The following GNAS-AS1 variants were observed in gnomAD, a reference collection of about 807,000 sequenced individuals.
GNAS-AS1 encodes GNAS antisense RNA 1, also known as GNAS antisense RNA 1 (non-protein coding).
chr20:58,841,707 G>A lies in GNAS-AS1; in HGVS notation n.819+230C>T. On this transcript the variant is annotated intron_variant and non_coding_transcript_variant, in intron 4 of 4. Coordinates refer to ENST00000424094, the Ensembl canonical transcript of GNAS-AS1. This position sits in a 1 kb window ranked among gnomAD's most constrained non-coding sequence, Gnocchi z 5.0. ...AGGAGGTAAGGGGACCCTTGGGGATGCCCCTACGGGCTACCAGGGTTGAAC... is the reference window on the plus strand; with the variant it reads ...AGGAGGTAAGGGGACCCTTGGGGATACCCCTACGGGCTACCAGGGTTGAAC... 8.2e-7 allele frequency: 1 copy of A among 1,213,860 alleles called. No individual in the cohort carries two copies. Among genetic ancestry groups the A allele is most frequent in the Non-Finnish European group, 1.0e-6 (1 of 976,700 alleles). The allele number at this position is 1,213,860 out of a possible 1,614,324, so 75.2% of individuals were successfully genotyped here. A position where few individuals can be genotyped will look rare whatever the true frequency, so the allele number is the denominator to read the frequency against.
Position 58,840,588 on chromosome 20 carries a change from A to T in GNAS-AS1, n.819+1349T>A. 6.2e-7 allele frequency: 1 copy of T among 1,611,246 alleles called. No individual in the cohort carries two copies. Among genetic ancestry groups the T allele is most frequent in the Non-Finnish European group, 8.5e-7 (1 of 1,179,064 alleles). On this transcript the variant is annotated intron_variant and non_coding_transcript_variant, in intron 4 of 4. Coordinates refer to ENST00000424094, the Ensembl canonical transcript of GNAS-AS1. The surrounding 1 kb of genome is among the most constrained non-coding windows in gnomAD (Gnocchi z 6.0). Reference sequence around the variant, plus strand: ...TCCACCTTCGGCCAGTCCCTCACCCAGCGTCTGCACGCTCTCAAGTTGCGA... The same window carrying T: ...TCCACCTTCGGCCAGTCCCTCACCCTGCGTCTGCACGCTCTCAAGTTGCGA...
rs1225542550 is a variant in GNAS-AS1 at position 58,840,978 on chromosome 20, C to G, written n.819+959G>C. 9.5e-6 allele frequency: 13 copies of G among 1,365,102 alleles called. No homozygotes were observed. In the East Asian group the frequency reaches 3.0e-4, roughly 31 times the overall value. The allele number at this position is 1,365,102 out of a possible 1,614,324, so 84.6% of individuals were successfully genotyped here. ...GTGAGAAGGAAAGGCAGGTCAGGGGCGAGTGGGAAGAGAGGAGGCTCAGCT... is the reference window on the plus strand; with the variant it reads ...GTGAGAAGGAAAGGCAGGTCAGGGGGGAGTGGGAAGAGAGGAGGCTCAGCT... On this transcript the variant is annotated intron_variant and non_coding_transcript_variant, in intron 4 of 4. Transcript: ENST00000424094. The surrounding 1 kb of genome is among the most constrained non-coding windows in gnomAD (Gnocchi z 6.0).
chr20:58,822,340 G>A (rs1287601947), intron 4 of GNAS-AS1, among the ~76,000 whole-genome samples: 2 of 152,226 alleles, frequency 1.3e-5, no homozygotes, highest in Non-Finnish European at 2.9e-5. Flanking sequence ...TCAGAGATGA[G>A]TGACAGGCAC....
At chr20:58,842,218 T>TGG (rs1251390616) in exon 4 of GNAS-AS1, 2 of 398,350 alleles carry the variant, frequency 5.0e-6, no homozygotes, top group Admixed American at 4.4e-5. Flanking sequence ...TCGCCAGTCC[T>TGG]GGGGGGAAAG....
intron 2 of GNAS-AS1, among the ~76,000 whole-genome samples, chr20:58,848,460 T>C (rs1164284171): frequency 2.6e-5 from 4 of 152,210 alleles, no homozygotes; most frequent in African/African-American, 9.6e-5. Flanking sequence ...TATCACATAT[T>C]TATCTTTTCC....
chr20:58,845,015 C>G (rs997998145), intron 2 of GNAS-AS1, among the ~76,000 whole-genome samples: 1 of 142,716 alleles, frequency 7.0e-6, no homozygotes, highest in East Asian at 2.3e-4. Context: ...TCCTGAGAGT[C>G]GTATTTAGTG....
chr20:58,840,213 C>G lies in GNAS-AS1; in HGVS notation n.819+1724G>C. The G allele has an allele frequency of 6.2e-7, 1 of 1,611,228 alleles. No homozygotes were observed. The highest frequency in any genetic ancestry group is 1.1e-5 in the South Asian group (1 of 91,066). ...GCAGCCACCGCGCTCCTCTGGCTCT[C>G]CTGCTCCATCGCGCTCCTCCGCGCC... is the stretch of plus-strand genomic sequence containing the variant. On this transcript the variant is annotated intron_variant and non_coding_transcript_variant, in intron 4 of 4. Coordinates refer to ENST00000424094, the Ensembl canonical transcript of GNAS-AS1. This position sits in a 1 kb window ranked among gnomAD's most constrained non-coding sequence, Gnocchi z 6.0.
At chr20:58,839,782 G>A in intron 4 of GNAS-AS1, 1 of 570,010 alleles carries the variant, frequency 1.8e-6, no homozygotes, top group South Asian at 2.3e-5. Context: ...AAGAGGACCG[G>A]CGGAGGCACC....
chr20:58,840,594 TGCAC>T lies in GNAS-AS1; in HGVS notation n.819+1339_819+1342del, dbSNP rs1373924247. 1 of 1,610,778 alleles carries T rather than the reference TGCAC, an allele frequency of 6.2e-7. No homozygotes were observed. Among genetic ancestry groups the T allele is most frequent in the African/African-American group, 1.3e-5 (1 of 74,864 alleles). On this transcript the variant is annotated intron_variant and non_coding_transcript_variant, in intron 4 of 4. Transcript: ENST00000424094. This position sits in a 1 kb window ranked among gnomAD's most constrained non-coding sequence, Gnocchi z 6.0. ...TTCGGCCAGTCCCTCACCCAGCGTC[TGCAC>T]GCTCTCAAGTTGCGAAGCCCCGACG...
Position 58,840,361 on chromosome 20 carries a change from C to T in GNAS-AS1, n.819+1576G>A, listed in dbSNP as rs1284283360. ...CTGAGTCCCCCGAATCGGAATCTGA[C>T]CACGAGCACGAGGAGGCAGACCTTG... On this transcript the variant is annotated intron_variant and non_coding_transcript_variant, in intron 4 of 4. Coordinates refer to ENST00000424094, the Ensembl canonical transcript of GNAS-AS1. This position sits in a 1 kb window ranked among gnomAD's most constrained non-coding sequence, Gnocchi z 6.0. 1 of 1,613,192 alleles carries T rather than the reference C, an allele frequency of 6.2e-7. No homozygotes were observed. Among genetic ancestry groups the T allele is most frequent in the Non-Finnish European group, 8.5e-7 (1 of 1,180,006 alleles).
chr20:58,826,281 T>A, intron 4 of GNAS-AS1: 1 of 391,790 alleles, frequency 2.6e-6, no homozygotes, highest in Non-Finnish European at 4.5e-6. Flanking sequence ...TTAACAACAC[T>A]GCTGCTGTCA....
chr20:58,843,741 C>T (rs1223378026), intron 2 of GNAS-AS1, among the ~76,000 whole-genome samples: 1 of 152,182 alleles, frequency 6.6e-6, no homozygotes, highest in Non-Finnish European at 1.5e-5. Flanking sequence ...TAATCATTTG[C>T]TTAATGGAAA....
intron 4 of GNAS-AS1, chr20:58,826,025 C>T (rs1028927327): frequency 5.0e-6 from 2 of 398,498 alleles, no homozygotes; most frequent in African/African-American, 4.1e-5. Flanking sequence ...TTTTGCTTAC[C>T]TTTAGACGAT....
intron 1 of GNAS-AS1, chr20:58,848,945 A>C: frequency 2.5e-6 from 1 of 398,552 alleles, no homozygotes; most frequent in Non-Finnish European, 4.4e-6. Flanking sequence ...GAGTGGAAAA[A>C]AGGGGGAATA....
At position 58,841,000 on chromosome 20, in the gene GNAS-AS1, A is replaced by G; in HGVS notation, n.819+937T>C. On this transcript the variant is annotated intron_variant and non_coding_transcript_variant, in intron 4 of 4. Coordinates refer to ENST00000424094, the Ensembl canonical transcript of GNAS-AS1. The surrounding 1 kb of genome is among the most constrained non-coding windows in gnomAD (Gnocchi z 6.0). ...GGGCGAGTGGGAAGAGAGGAGGCTC[A>G]GCTGGTCAGCCTGGGATCGGGGGTC... The G allele has an allele frequency of 8.4e-7, 1 of 1,190,360 alleles. No homozygotes were observed. Among genetic ancestry groups the G allele is most frequent in the Non-Finnish European group, 1.2e-6 (1 of 830,558 alleles). The allele number at this position is 1,190,360 out of a possible 1,614,324, so 73.7% of individuals were successfully genotyped here. A position where few individuals can be genotyped will look rare whatever the true frequency, so the allele number is the denominator to read the frequency against.
exon 1 of GNAS-AS1, chr20:58,850,876 T>G (rs1019316056): frequency 7.5e-6 from 3 of 398,662 alleles, no homozygotes; most frequent in African/African-American, 6.2e-5. Flanking sequence ...GCAGCACCTC[T>G]TCGGGCGTTC....
intron 4 of GNAS-AS1, chr20:58,823,980 G>T (rs369447753): frequency 2.3e-5 from 9 of 398,584 alleles, no homozygotes; most frequent in African/African-American, 1.6e-4. Context: ...ACACACCTAT[G>T]CAGCGAGGAA....
At chr20:58,848,747 C>A (rs1029622388) in intron 2 of GNAS-AS1, 5 of 395,186 alleles carry the variant, frequency 1.3e-5, no homozygotes, top group African/African-American at 8.2e-5. Context: ...ACCCCCAGCT[C>A]TTACTATACC....
At position 58,820,220 on chromosome 20, in the gene GNAS-AS1, G is replaced by A. The variant is rs145283737; in HGVS notation, n.820-965C>T. Among the ~76,000 whole-genome samples, 320 of 152,338 alleles carry A rather than the reference G, an allele frequency of 2.1e-3. 2 individuals carry two copies. The highest frequency in any genetic ancestry group is 0.017 in the Middle Eastern group (5 of 294). On this transcript the variant is annotated intron_variant and non_coding_transcript_variant, in intron 4 of 4. Coordinates refer to ENST00000424094, the Ensembl canonical transcript of GNAS-AS1. ...GGAGATGCGGCCTTAGGTGCTGACC[G>A]CTGAGCCACACAGGTGGGGCTCACT...
Sources: allele counts gnomAD v4.1 joint callset (sites outside exome capture counted in the v4.1 genomes callset), GRCh38; gene constraint gnomAD v4.1.1; non-coding constraint Gnocchi (gnomAD v3.1); transcripts MANE v1.5; gene names NCBI Gene and HGNC (gene_info 2026-07-23, HGNC 2026-07-21).